Variants in CCBE1 observed in about 807,000 individuals in gnomAD.
The protein encoded by CCBE1 is collagen and calcium binding EGF domains 1.
In CCBE1, 37 loss-of-function variants were observed where a neutral mutation model predicts 50.0. The observed-to-expected ratio is 0.74, with a 90% CI of 0.57 to 0.97. The LOEUF (loss-of-function observed/expected upper bound fraction) is 0.97. Ranked by LOEUF, CCBE1 falls within the 50% of genes least tolerant of loss-of-function variation. The pLI, the probability that CCBE1 is intolerant of heterozygous loss-of-function variation, is 0.00. For synonymous variants in CCBE1, 234 were observed against 203.7 expected, an observed-to-expected ratio of 1.15 and a Z score of -1.27; for missense variants, 538 against 523.8, an observed-to-expected ratio of 1.03 and a Z score of -0.26.
chr18:59,474,916 C>G (rs934434864), intron 3 of CCBE1, among the ~76,000 whole-genome samples: 1 of 152,218 alleles, frequency 6.6e-6, no homozygotes, highest in Non-Finnish European at 1.5e-5. Flanking sequence ...CCACCTCCCT[C>G]TCTGTTCTCC....
At chr18:59,678,216 G>A (rs1173549289) in intron 2 of CCBE1, among the ~76,000 whole-genome samples, 1 of 152,200 alleles carries the variant, frequency 6.6e-6, no homozygotes, top group African/African-American at 2.4e-5. Context: ...GTTTCTTACA[G>A]CGATGGAGGC....
At chr18:59,462,684 T>G (rs913128687) in intron 5 of CCBE1, among the ~76,000 whole-genome samples, 15 of 99,812 alleles carry the variant, frequency 1.5e-4, no homozygotes, top group Non-Finnish European at 2.4e-4. Flanking sequence ...ACACCTGACC[T>G]AATTTTTTTT....
At position 59,472,559 on chromosome 18, in the gene CCBE1, C is replaced by G. The variant is rs75438147; in HGVS notation, c.266-2952G>C. ...ACTCTGTAGGTCTGCTGCACAGCAG[C>G]TACTACTCTTGGTCTTGAACTCCTC... On this transcript the variant is annotated intron_variant, in intron 3 of 10. Coordinates refer to ENST00000439986, the MANE Select transcript of CCBE1 (RefSeq NM_133459.4). Among the ~76,000 whole-genome samples, 361 of 152,338 alleles carry G rather than the reference C, an allele frequency of 2.4e-3. 2 individuals carry two copies. Among genetic ancestry groups the G allele is most frequent in the African/African-American group, 8.3e-3 (344 of 41,578 alleles).
At chr18:59,622,677 T>C (rs558729463) in intron 2 of CCBE1, among the ~76,000 whole-genome samples, 1 of 148,756 alleles carries the variant, frequency 6.7e-6, no homozygotes, top group East Asian at 2.0e-4. Context: ...GGCATGCGCC[T>C]ATAATCCCAG....
At chr18:59,672,949 G>A (rs1477189848) in intron 2 of CCBE1, among the ~76,000 whole-genome samples, 1 of 151,872 alleles carries the variant, frequency 6.6e-6, no homozygotes, top group Non-Finnish European at 1.5e-5. Context: ...ACAAATCACC[G>A]CTAAAGAACT....
chr18:59,499,986 G>A (rs1010807513), intron 2 of CCBE1, among the ~76,000 whole-genome samples: 9 of 152,170 alleles, frequency 5.9e-5, no homozygotes, highest in Non-Finnish European at 8.8e-5. Context: ...AAAAACTGTC[G>A]GGGAGTATGT....
intron 2 of CCBE1, among the ~76,000 whole-genome samples, chr18:59,520,363 T>G (rs1914546060): frequency 6.6e-6 from 1 of 152,246 alleles, no homozygotes; most frequent in African/African-American, 2.4e-5. Context: ...TGGTTTGTAG[T>G]TCTTCTTGAA....
intron 2 of CCBE1, among the ~76,000 whole-genome samples, chr18:59,665,311 G>C (rs1056834488): frequency 2.6e-5 from 4 of 152,106 alleles, no homozygotes; most frequent in African/African-American, 9.7e-5. Context: ...TGGTACAGAA[G>C]GTGTATTGAC....
At chr18:59,586,783 C>G (rs1016622753) in intron 2 of CCBE1, among the ~76,000 whole-genome samples, 1 of 152,144 alleles carries the variant, frequency 6.6e-6, no homozygotes, top group Non-Finnish European at 1.5e-5. Context: ...AAGATGATTT[C>G]ACATAAAAAT....
At chr18:59,530,165 G>A (rs1427437259) in intron 2 of CCBE1, among the ~76,000 whole-genome samples, 1 of 152,136 alleles carries the variant, frequency 6.6e-6, no homozygotes, top group Non-Finnish European at 1.5e-5. Flanking sequence ...TGAGATGGAT[G>A]GGCCTGACTG....
chr18:59,488,794 C>T (rs1173163017), intron 2 of CCBE1, among the ~76,000 whole-genome samples: 1 of 152,150 alleles, frequency 6.6e-6, no homozygotes, highest in Non-Finnish European at 1.5e-5. Flanking sequence ...AGTTTAAAGG[C>T]ATCAAGAGCT....
intron 2 of CCBE1, among the ~76,000 whole-genome samples, chr18:59,563,105 C>T (rs988521560): frequency 6.6e-6 from 1 of 152,166 alleles, no homozygotes; most frequent in Non-Finnish European, 1.5e-5. Context: ...CCCTTACAAC[C>T]CCACCAGGTG....
intron 3 of CCBE1, among the ~76,000 whole-genome samples, chr18:59,471,286 T>C (rs1262156952): frequency 6.6e-6 from 1 of 152,238 alleles, no homozygotes; most frequent in Non-Finnish European, 1.5e-5. Context: ...CACTTCTGCA[T>C]CTCTAAATAG....
chr18:59,495,186 G>C (rs1913291058), intron 2 of CCBE1, among the ~76,000 whole-genome samples: 1 of 152,044 alleles, frequency 6.6e-6, no homozygotes, highest in South Asian at 2.1e-4. Flanking sequence ...CCCTGAGGAT[G>C]GAGGTGTACT....
intron 2 of CCBE1, among the ~76,000 whole-genome samples, chr18:59,578,438 C>T (rs2053032778): frequency 6.6e-6 from 1 of 152,192 alleles, no homozygotes; most frequent in Non-Finnish European, 1.5e-5. Context: ...CCAGCAATCC[C>T]ATTACTGGGT....
At chr18:59,665,041 C>G (rs1005528233) in intron 2 of CCBE1, among the ~76,000 whole-genome samples, 1 of 151,900 alleles carries the variant, frequency 6.6e-6, no homozygotes, top group Admixed American at 6.6e-5. Flanking sequence ...CAAACAGGAC[C>G]CTAGTGCAAT....
chr18:59,554,723 A>G (rs949398493), intron 2 of CCBE1, among the ~76,000 whole-genome samples: 4 of 152,266 alleles, frequency 2.6e-5, no homozygotes, highest in South Asian at 2.1e-4. Flanking sequence ...TCCCTATTAC[A>G]TGAGAGATTT....
chr18:59,469,617 CA>C lies in CCBE1; in HGVS notation c.266-11del, dbSNP rs1175565219. On this transcript the variant is annotated splice_polypyrimidine_tract_variant and intron_variant, in intron 3 of 10. Coordinates refer to ENST00000439986, the MANE Select transcript of CCBE1 (RefSeq NM_133459.4). ...GCACAAACGTCGTAATCTGAAAAAGCAAAGTGAGAGCTCACATCAACTACAG... is the reference window on the plus strand; with the variant it reads ...GCACAAACGTCGTAATCTGAAAAAGCAAGTGAGAGCTCACATCAACTACAG... 3 of 1,614,010 alleles carry C rather than the reference CA, an allele frequency of 1.9e-6. No homozygotes were observed. The highest frequency in any genetic ancestry group is 1.7e-6 in the Non-Finnish European group (2 of 1,180,016).
chr18:59,635,127 AGATT>A (rs997148813), intron 2 of CCBE1, among the ~76,000 whole-genome samples: 26 of 152,200 alleles, frequency 1.7e-4, no homozygotes, highest in African/African-American at 5.8e-4. Context: ...GGCAGAGAAG[AGATT>A]GATTACTTCA....
Sources: gnomAD v4.1 joint callset for allele counts (sites outside exome capture counted in the v4.1 genomes callset) on GRCh38, gnomAD v4.1.1 for gene constraint, MANE v1.5 for transcripts, NCBI Gene and HGNC (gene_info 2026-07-23, HGNC 2026-07-21) for gene names.